FIP1L1: variants seen among roughly 807,000 people sequenced by gnomAD.
FIP1L1 encodes pre-mRNA 3'-end-processing factor FIP1.
A neutral mutation model predicts 84.6 loss-of-function variants in FIP1L1; 21 were observed. The ratio of observed to expected loss-of-function variants is 0.25; its 90% confidence interval spans 0.18 to 0.36. The LOEUF (loss-of-function observed/expected upper bound fraction) is 0.36, where lower values mean the gene tolerates loss of function less well. Ranked by LOEUF, FIP1L1 falls within the 10% of genes least tolerant of loss-of-function variation. FIP1L1 has a pLI of 1.00. For missense variants in FIP1L1, 526 were observed against 751.1 expected, an observed-to-expected ratio of 0.70 and a Z score of 3.50; for synonymous variants, 263 against 242.3, an observed-to-expected ratio of 1.09 and a Z score of -0.80.
At chr4:53,390,300 A>C (rs934104773) in intron 6 of FIP1L1, among the ~76,000 whole-genome samples, 1 of 152,060 alleles carries the variant, frequency 6.6e-6, no homozygotes, top group Non-Finnish European at 1.5e-5. Context: ...AGACTGGTAA[A>C]GTTTTTCTGG....
Position 53,452,260 on chromosome 4 carries a change from A to C in FIP1L1, c.1286-660A>C, listed in dbSNP as rs1173270404. 3.3e-5 allele frequency among the ~76,000 whole-genome samples: 5 copies of C among 151,864 alleles called. No individual in the cohort carries two copies. In the East Asian group the frequency reaches 9.7e-4, roughly 29 times the overall value. ...TGTTGATGTTTACAAAGGCTGTTTGAATCTTGAAATAAAATATTGTTGAGT... is the reference window on the plus strand; with the variant it reads ...TGTTGATGTTTACAAAGGCTGTTTGCATCTTGAAATAAAATATTGTTGAGT... On this transcript the variant is annotated intron_variant, in intron 15 of 17. Coordinates refer to ENST00000337488, the MANE Select transcript of FIP1L1 (RefSeq NM_030917.4).
At chr4:53,440,620 T>G in intron 13 of FIP1L1, 1 of 1,510,838 alleles carries the variant, frequency 6.6e-7, no homozygotes, top group Non-Finnish European at 9.1e-7. Context: ...TAAAACTTTT[T>G]TCATGTTTTC....
intron 9 of FIP1L1, among the ~76,000 whole-genome samples, chr4:53,391,950 T>C (rs1230795822): frequency 1.3e-5 from 2 of 152,230 alleles, no homozygotes; most frequent in African/African-American, 4.8e-5. Flanking sequence ...TAGCTCAAGA[T>C]ATCTTCAAAA....
rs759899218 is a variant in FIP1L1, at chr4:53,459,935, C to CACA, written c.*489_*491dup. 62 of 218,094 alleles carry CACA rather than the reference C, an allele frequency of 2.8e-4. No individual in the cohort carries two copies. Among genetic ancestry groups the CACA allele is most frequent in the Middle Eastern group, 1.4e-3 (1 of 702 alleles). The allele number at this position is 218,094 out of a possible 1,614,324, so 13.5% of individuals were successfully genotyped here. ...TAAGAGACTCATACATTTTTGATAT[C>CACA]ACAACTTTTTGATGGCTTTTCAATA... is the stretch of plus-strand genomic sequence containing the variant. On this transcript the variant is annotated 3_prime_UTR_variant, in exon 18 of 18. Transcript: ENST00000337488.
At chr4:53,402,918 G>T (rs891096784) in intron 10 of FIP1L1, among the ~76,000 whole-genome samples, 16 of 152,284 alleles carry the variant, frequency 1.1e-4, no homozygotes, top group African/African-American at 3.9e-4. Context: ...CACCAGTGCA[G>T]ATGGGTAGGT....
Position 53,459,722 on chromosome 4 carries a change from G to C in FIP1L1, c.*273G>C, listed in dbSNP as rs895539096. On this transcript the variant is annotated 3_prime_UTR_variant, in exon 18 of 18. Transcript: ENST00000337488. The stretch of plus-strand genomic sequence containing the variant: ...CTTAACAGGGAATCTAAAGAGCTGT[G>C]TTAGCTGTGTACATACACAGATTAT... 4 of 471,050 alleles carry C rather than the reference G, an allele frequency of 8.5e-6. No individual in the cohort carries two copies. The highest frequency in any genetic ancestry group is 1.5e-5 in the Non-Finnish European group (4 of 259,870). The allele number at this position is 471,050 out of a possible 1,614,324, so 29.2% of individuals were successfully genotyped here. A position where few individuals can be genotyped will look rare whatever the true frequency, so the allele number is the denominator to read the frequency against.
Position 53,383,803 on chromosome 4 carries a change from A to AGTG in FIP1L1, c.260_262dup (p.Ser87_Asp88insGly). ...GACTGAGACCGAAGATGATAGTGAT[A>AGTG]GTGACAGCGATGATGATGAAGATGA... On this transcript the variant is annotated inframe_insertion, in exon 5 of 18. Coordinates refer to ENST00000337488, the MANE Select transcript of FIP1L1 (RefSeq NM_030917.4). 1 of 1,611,458 alleles carries AGTG rather than the reference A, an allele frequency of 6.2e-7. No individual in the cohort carries two copies. Among genetic ancestry groups the AGTG allele is most frequent in the Non-Finnish European group, 8.5e-7 (1 of 1,177,692 alleles).
chr4:53,380,819 C>G (rs1737461304), intron 3 of FIP1L1, among the ~76,000 whole-genome samples: 1 of 151,898 alleles, frequency 6.6e-6, no homozygotes, highest in South Asian at 2.1e-4. Context: ...TTCTTTGTAC[C>G]CATTCCTTCA....
Position 53,459,576 on chromosome 4 carries a change from T to G in FIP1L1, c.*127T>G. ...CTGTTTGTTAGTATGAAAAGTTAAC[T>G]TTTTTTCCAAAATAAAAGAGTGAAT... On this transcript the variant is annotated 3_prime_UTR_variant, in exon 18 of 18. Transcript: ENST00000337488. 7.3e-7 allele frequency: 1 copy of G among 1,364,518 alleles called. No individual in the cohort carries two copies. Among genetic ancestry groups the G allele is most frequent in the Non-Finnish European group, 1.0e-6 (1 of 982,436 alleles). 84.5% of individuals were successfully genotyped at this position (1,364,518 alleles called of 1,614,324 possible).
At chr4:53,424,441 C>T (rs956139227) in intron 11 of FIP1L1, among the ~76,000 whole-genome samples, 1 of 152,020 alleles carries the variant, frequency 6.6e-6, no homozygotes, top group African/African-American at 2.4e-5. Flanking sequence ...ATATGTTAAT[C>T]CTCCAATGAA....
At position 53,377,698 on chromosome 4, in the gene FIP1L1, C is replaced by A. The variant is rs1578025748; in HGVS notation, c.-141C>A. 3 of 728,956 alleles carry A rather than the reference C, an allele frequency of 4.1e-6. No individual in the cohort carries two copies. In the East Asian group the frequency reaches 9.1e-5, roughly 22 times the overall value. 45.2% of individuals were successfully genotyped at this position (728,956 alleles called of 1,614,324 possible). A position where few individuals can be genotyped will look rare whatever the true frequency, so the allele number is the denominator to read the frequency against. On this transcript the variant is annotated 5_prime_UTR_variant, in exon 1 of 18. Coordinates refer to ENST00000337488, the MANE Select transcript of FIP1L1 (RefSeq NM_030917.4). ...TCATCTTTGCCGCCGCTGCCGTCGC[C>A]TTCCTGGGATTGGAGTCTCGAGCTT...
chr4:53,420,290 G>A (rs1271574058), intron 11 of FIP1L1, among the ~76,000 whole-genome samples: 1 of 150,626 alleles, frequency 6.6e-6, no homozygotes, highest in Non-Finnish European at 1.5e-5. Flanking sequence ...AAAATAGCTG[G>A]GCGTGGTAGC....
chr4:53,396,300 T>C (rs765009739), intron 9 of FIP1L1, among the ~76,000 whole-genome samples: 3 of 152,196 alleles, frequency 2.0e-5, no homozygotes, highest in Non-Finnish European at 4.4e-5. Context: ...GTAACAGAAC[T>C]TCAAAGGAAA....
intron 16 of FIP1L1, among the ~76,000 whole-genome samples, chr4:53,454,731 A>G (rs1243188276): frequency 6.6e-6 from 1 of 152,162 alleles, no homozygotes; most frequent in Non-Finnish European, 1.5e-5. Flanking sequence ...ACCAACTTCA[A>G]CTTAAAAACA....
intron 5 of FIP1L1, among the ~76,000 whole-genome samples, chr4:53,389,120 A>G (rs2149360095): frequency 6.6e-6 from 1 of 152,360 alleles, no homozygotes; most frequent in East Asian, 1.9e-4. Context: ...ACCACCCACC[A>G]CCGGCAAACA....
intron 3 of FIP1L1, among the ~76,000 whole-genome samples, chr4:53,381,753 C>CTTTGTTTTTTTTTTTTTTTTTTTTTTTT (rs1738047701): frequency 1.1e-5 from 1 of 87,948 alleles, no homozygotes; most frequent in African/African-American, 5.6e-5. Flanking sequence ...CATTTGCATT[C>CTTTGTTTTTTTTTTTTTTTTTTTTTTTT]TTTTTTTTTT....
chr4:53,406,470 C>T (rs1034323501), intron 10 of FIP1L1, among the ~76,000 whole-genome samples: 25 of 152,130 alleles, frequency 1.6e-4, no homozygotes, highest in African/African-American at 5.1e-4. Context: ...CTAAAATTCT[C>T]TTTTTTGGTT....
In FIP1L1 at chr4:53,423,138, A is replaced by G. The variant is rs116931866; in HGVS notation, c.924-2734A>G. The stretch of plus-strand genomic sequence containing the variant: ...ATATCAGAATCATCAAAATATGATA[A>G]TTTAATTCCATTGTAACTTCAGAGA... On this transcript the variant is annotated intron_variant, in intron 11 of 17. Coordinates refer to ENST00000337488, the MANE Select transcript of FIP1L1 (RefSeq NM_030917.4). Among the ~76,000 whole-genome samples, 56 of 152,322 alleles carry G rather than the reference A, an allele frequency of 3.7e-4. No individual in the cohort carries two copies. In the East Asian group the frequency reaches 0.01, roughly 27 times the overall value.
In FIP1L1 at chr4:53,389,817, G is replaced by T; in HGVS notation, c.341G>T (p.Gly114Val). ...KTGAPQYGSY[G>V]TAPVNLNIKT... ...TGTTTGTTTGTTTTTAGGAGTTATGGTACAGCACCTGTAAATCTTAACATC... is the reference window on the plus strand; with the variant it reads ...TGTTTGTTTGTTTTTAGGAGTTATGTTACAGCACCTGTAAATCTTAACATC... Residue 114 changes from glycine (G) to valine (V), a missense_variant, in exon 6 of 18, where the codon GGT becomes GTT. Physicochemically the swap from Gly to Val is moderately radical, Grantham distance 109. This residue lies in a region of FIP1L1 where 169 missense variants were observed against 206.9 expected (regional missense o/e 0.82). Transcript: ENST00000337488. The T allele has an allele frequency of 6.2e-7, 1 of 1,602,890 alleles. No homozygotes were observed. Among genetic ancestry groups the T allele is most frequent in the Non-Finnish European group, 8.5e-7 (1 of 1,176,338 alleles).
Sources: gnomAD v4.1 joint callset for allele counts (sites outside exome capture counted in the v4.1 genomes callset) on GRCh38, gnomAD v4.1.1 for gene constraint, gnomAD v4.1.1 regional missense constraint, MANE v1.5 for transcripts, NCBI Gene and HGNC (gene_info 2026-07-23, HGNC 2026-07-21) for gene names.